RASGEF1C: variants seen among roughly 807,000 people sequenced by gnomAD.
The protein encoded by RASGEF1C is RasGEF domain family member 1C.
RASGEF1C carries 27 observed loss-of-function variants against 58.1 expected under a neutral mutation model. That is an observed-to-expected ratio of 0.46 (90% confidence interval 0.34 to 0.64). The LOEUF (loss-of-function observed/expected upper bound fraction) is 0.64. Ranked by LOEUF, RASGEF1C falls within the 30% of genes least tolerant of loss-of-function variation. RASGEF1C has a pLI of 0.01. For missense variants in RASGEF1C, 502 were observed against 605.1 expected (o/e 0.83, Z 1.79); for synonymous variants, 243 against 246.3 (o/e 0.99, Z 0.13).
At chr5:180,170,922 G>A (rs929102960) in intron 1 of RASGEF1C, among the ~76,000 whole-genome samples, 1 of 152,198 alleles carries the variant, frequency 6.6e-6, no homozygotes, top group Non-Finnish European at 1.5e-5. Context: ...TCCCCACCTT[G>A]CCCTGGGGGC....
chr5:180,115,290 TAA>T (rs35607645), intron 10 of RASGEF1C: 469 of 395,160 alleles, frequency 1.2e-3, no homozygotes, highest in South Asian at 1.5e-3. Context: ...GCCTCCTTTT[TAA>T]AAAAAAAAAA....
intron 7 of RASGEF1C, 150 bp from the exon 8 acceptor site, chr5:180,119,598 C>T: frequency 1.5e-6 from 1 of 649,560 alleles, no homozygotes; most frequent in Non-Finnish European, 2.7e-6. Flanking sequence ...TCTCAGAGTG[C>T]TTCATGGGCT....
At chr5:180,181,866 G>A (rs778068147) in intron 1 of RASGEF1C, among the ~76,000 whole-genome samples, 1 of 152,170 alleles carries the variant, frequency 6.6e-6, no homozygotes, top group Non-Finnish European at 1.5e-5. Context: ...ACACTATTGA[G>A]ACCACAGTTT....
chr5:180,124,755 C>T (rs575228379), intron 6 of RASGEF1C, among the ~76,000 whole-genome samples: 5 of 152,048 alleles, frequency 3.3e-5, no homozygotes, highest in South Asian at 2.1e-4. Flanking sequence ...ATCCAGGAGG[C>T]GGACGTTGTA....
intron 1 of RASGEF1C, among the ~76,000 whole-genome samples, chr5:180,191,511 C>T (rs1282977200): frequency 1.3e-5 from 2 of 152,286 alleles, no homozygotes; most frequent in African/African-American, 2.4e-5. Context: ...CGCCCGCCAC[C>T]ACGGCCGGCT....
intron 1 of RASGEF1C, among the ~76,000 whole-genome samples, chr5:180,167,166 C>T (rs570015855): frequency 3.3e-5 from 5 of 152,080 alleles, no homozygotes; most frequent in South Asian, 4.2e-4. Context: ...TTTTCTGTGC[C>T]GCACTCTTTC....
intron 12 of RASGEF1C, among the ~76,000 whole-genome samples, chr5:180,108,219 T>C (rs75901586): frequency 4.7e-5 from 7 of 150,296 alleles, no homozygotes; most frequent in African/African-American, 1.5e-4. Flanking sequence ...TTTTTTTTTT[T>C]GAGACAGAGT....
Position 180,137,766 on chromosome 5 carries a change from ATGC to A in RASGEF1C, c.178-57_178-55del. ...GGCTCAGGAGGGCACCAGGAGGGGC[ATGC>A]TTCCCAGCTGGCCCTGTACCCTGGC... On this transcript the variant is annotated intron_variant, in intron 2 of 13. Coordinates refer to ENST00000361132, the MANE Select transcript of RASGEF1C (RefSeq NM_175062.4). This position sits in a 1 kb window ranked among gnomAD's most constrained non-coding sequence, Gnocchi z 4.1. 6.2e-7 allele frequency: 1 copy of A among 1,608,196 alleles called. No individual in the cohort carries two copies. Among genetic ancestry groups the A allele is most frequent in the Admixed American group, 1.7e-5 (1 of 59,762 alleles).
At chr5:180,105,862 T>C (rs1211313797) in intron 12 of RASGEF1C, among the ~76,000 whole-genome samples, 3 of 151,646 alleles carry the variant, frequency 2.0e-5, no homozygotes, top group African/African-American at 2.4e-5. Context: ...AGCGAGACTC[T>C]GTCTCAAAAA....
In RASGEF1C at chr5:180,156,641, G is replaced by T. The variant is rs1219096151; in HGVS notation, c.-6-18583C>A. On this transcript the variant is annotated intron_variant, in intron 1 of 13. Transcript: ENST00000361132. The surrounding 1 kb of genome is among the most constrained non-coding windows in gnomAD (Gnocchi z 4.9). ...TAAAAAATTAGCTGGGCATGGTGGC[G>T]TGCATCTGCAGTCCCAGCTACTTGG... Among the ~76,000 whole-genome samples, 1 of 151,904 alleles carries T rather than the reference G, an allele frequency of 6.6e-6. No homozygotes were observed.
At position 180,136,462 on chromosome 5, in the gene RASGEF1C, G is replaced by A. The variant is rs747578901; in HGVS notation, c.354C>T (p.Thr118=). The change falls in exon 4 of 14, where the codon ACC becomes ACT. Residue 118 remains threonine, a synonymous_variant. Transcript: ENST00000361132. The stretch of plus-strand genomic sequence containing the variant: ...CCTGGAAGTCCCTTGGGAAGGTCTC[G>A]GTCCACTCGGCCAACAGCTGCAGCA... ...PKLLQLLAEW[T]ETFPRDFQEE... 3.2e-6 allele frequency: 5 copies of A among 1,561,826 alleles called. No individual in the cohort carries two copies. The East Asian group carries it at 7.1e-5, about 22-fold the overall frequency.
intron 1 of RASGEF1C, among the ~76,000 whole-genome samples, chr5:180,146,308 C>CATTTTGT (rs373504722): frequency 2.6e-5 from 4 of 152,120 alleles, no homozygotes; most frequent in African/African-American, 7.2e-5. Context: ...ACACCCGGCT[C>CATTTTGT]ATTTTGTATT....
In RASGEF1C at chr5:180,113,666, CCGGGGATGGATGGAGGGAT is replaced by C. The variant is rs1463816514; in HGVS notation, c.1179+761_1179+779del. On this transcript the variant is annotated intron_variant, in intron 11 of 13. Coordinates refer to ENST00000361132, the MANE Select transcript of RASGEF1C (RefSeq NM_175062.4). ...GAGTGACCGGGGATGGACGGAGGGA[CCGGGGATGGATGGAGGGAT>C]CGGGGATGGACGGAGGGATCGGGGA... is the stretch of plus-strand genomic sequence containing the variant. Among the ~76,000 whole-genome samples, 22 of 92,568 alleles carry C rather than the reference CCGGGGATGGATGGAGGGAT, an allele frequency of 2.4e-4. No individual in the cohort carries two copies. The East Asian group carries it at 2.7e-3, about 11-fold the overall frequency. 60.7% of individuals were successfully genotyped at this position (92,568 alleles called of 152,430 possible). A position where few individuals can be genotyped will look rare whatever the true frequency, so the allele number is the denominator to read the frequency against.
chr5:180,195,618 T>G (rs4700915), intron 1 of RASGEF1C, among the ~76,000 whole-genome samples: 1 of 151,318 alleles, frequency 6.6e-6, no homozygotes, highest in Non-Finnish European at 1.5e-5. Flanking sequence ...AAAAATTAGC[T>G]GGGCGCGGTG....
rs943032702 is a variant in RASGEF1C, at chr5:180,197,342, G to A, written c.-7+11686C>T. On this transcript the variant is annotated intron_variant, in intron 1 of 13. Transcript: ENST00000361132. The surrounding 1 kb of genome is among the most constrained non-coding windows in gnomAD (Gnocchi z 4.7). ...ATCCAGGGTGCTGCTCAGGGCAGTG[G>A]TGGCCTCTTGACAGTGGACCCAGGC... Among the ~76,000 whole-genome samples the A allele has an allele frequency of 1.3e-5, 2 of 152,210 alleles. No individual in the cohort carries two copies. The highest frequency in any genetic ancestry group is 4.8e-5 in the African/African-American group (2 of 41,448).
At chr5:180,108,638 A>G (rs1268791319) in intron 12 of RASGEF1C, among the ~76,000 whole-genome samples, 1 of 151,772 alleles carries the variant, frequency 6.6e-6, no homozygotes, top group African/African-American at 2.4e-5. Flanking sequence ...CAGTTATTGT[A>G]TTTTTCAGTT....
intron 1 of RASGEF1C, among the ~76,000 whole-genome samples, chr5:180,151,519 A>G (rs1264789917): frequency 6.6e-6 from 1 of 152,234 alleles, no homozygotes; most frequent in African/African-American, 2.4e-5. Flanking sequence ...AGCCATATGT[A>G]GAAAGATGAA....
intron 1 of RASGEF1C, among the ~76,000 whole-genome samples, chr5:180,152,484 G>A (rs539140736): frequency 6.8e-6 from 1 of 146,790 alleles, no homozygotes; most frequent in African/African-American, 2.5e-5. Context: ...AACACTGCAT[G>A]TTCTCACTCA....
At chr5:180,122,784 A>C (rs936813676) in intron 6 of RASGEF1C, among the ~76,000 whole-genome samples, 4 of 151,572 alleles carry the variant, frequency 2.6e-5, no homozygotes, top group Non-Finnish European at 5.9e-5. Flanking sequence ...AAACAAAAAA[A>C]AATCCCCAAA....
Sources: allele counts gnomAD v4.1 joint callset (sites outside exome capture counted in the v4.1 genomes callset), GRCh38; gene constraint gnomAD v4.1.1; non-coding constraint Gnocchi (gnomAD v3.1); transcripts MANE v1.5; gene names NCBI Gene and HGNC (gene_info 2026-07-23, HGNC 2026-07-21).